Variants in UMPS observed in about 807,000 individuals in gnomAD.
The protein encoded by UMPS is uridine 5'-monophosphate synthase.
A neutral mutation model predicts 38.9 loss-of-function variants in UMPS; 21 were observed. That is an observed-to-expected ratio of 0.54 (90% CI 0.38 to 0.78). The LOEUF is 0.78. UMPS is among the 30% of genes least tolerant of loss of function. The pLI is 0.00. For missense variants in UMPS, 533 were observed against 591.6 expected (o/e 0.90, Z 1.03); for synonymous variants, 208 against 219.3 (o/e 0.95, Z 0.45).
intron 3 of UMPS, 80 bp downstream of exon 3, chr3:124,738,319 T>C: frequency 6.8e-7 from 1 of 1,473,208 alleles, no homozygotes; most frequent in Non-Finnish European, 9.3e-7. Flanking sequence ...CTCATGTCAT[T>C]GAAAGTCCAT....
chr3:124,744,965 G>A lies in UMPS; in HGVS notation c.*881G>A, dbSNP rs1456680265. 2.2e-6 allele frequency: 1 copy of A among 454,062 alleles called. No homozygotes were observed. The highest frequency in any genetic ancestry group is 2.0e-5 in the African/African-American group (1 of 50,108). The allele number at this position is 454,062 out of a possible 1,614,324, so 28.1% of individuals were successfully genotyped here. On this transcript the variant is annotated 3_prime_UTR_variant, in exon 6 of 6. Coordinates refer to ENST00000232607, the MANE Select transcript of UMPS (RefSeq NM_000373.4). The stretch of plus-strand genomic sequence containing the variant: ...TAGCTCAGCTCCTGAGCTAGTATCT[G>A]GCTGTTATTTCAACAACCGGAGTTG...
At position 124,748,221 on chromosome 3, in the gene UMPS, C is replaced by T. The variant is rs1006703121; in HGVS notation, c.*4137C>T. Reference sequence around the variant, plus strand: ...CTAGGATTACAGGTGTGAGCCACTGCTCCCGGCCTGTTGGAGTTCTTTACA... The same window carrying T: ...CTAGGATTACAGGTGTGAGCCACTGTTCCCGGCCTGTTGGAGTTCTTTACA... On this transcript the variant is annotated 3_prime_UTR_variant, in exon 6 of 6. Transcript: ENST00000232607. 16 of 453,444 alleles carry T rather than the reference C, an allele frequency of 3.5e-5. No individual in the cohort carries two copies. Among genetic ancestry groups the T allele is most frequent in the South Asian group, 1.4e-4 (9 of 64,470 alleles). The allele number at this position is 453,444 out of a possible 1,614,324, so 28.1% of individuals were successfully genotyped here.
intron 4 of UMPS, 112 bp downstream of exon 4, chr3:124,740,311 G>C (rs2063548256): frequency 9.1e-7 from 1 of 1,100,370 alleles, no homozygotes; most frequent in Non-Finnish European, 1.3e-6. Flanking sequence ...AAAAAATCCA[G>C]CTCTTGTTAG....
At position 124,735,182 on chromosome 3, in the gene UMPS, TAC is replaced by T; in HGVS notation, c.248_249del (p.Thr83SerfsTer13). On this transcript the variant is annotated frameshift_variant, in exon 2 of 6. Transcript: ENST00000232607. LOFTEE classifies it high-confidence loss of function. ...GVPYTALPLA[T>X]VICSTNQIPM... Reference sequence around the variant, plus strand: ...TGCCTTATACAGCTTTGCCATTGGCTACAGTTATCTGTTCAACCAATCAAATT... The same window carrying T: ...TGCCTTATACAGCTTTGCCATTGGCTAGTTATCTGTTCAACCAATCAAATT... 1.2e-6 allele frequency: 2 copies of T among 1,614,170 alleles called. No homozygotes were observed. The highest frequency in any genetic ancestry group is 1.7e-6 in the Non-Finnish European group (2 of 1,179,990).
rs200305064 is a variant in UMPS at position 124,738,114 on chromosome 3, T to A, written c.857T>A (p.Ile286Asn). The change falls in exon 3 of 6, where the codon ATT becomes AAT. Residue 286 changes from isoleucine to asparagine, a missense_variant. Physicochemically the swap from Ile to Asn is moderately radical, Grantham distance 149 (BLOSUM62 -3). Coordinates refer to ENST00000232607, the MANE Select transcript of UMPS (RefSeq NM_000373.4). ...SICMLKTHVDILNDFTLDVMK... is the reference protein window; with the variant it reads ...SICMLKTHVDNLNDFTLDVMK... ...TGCATGCTGAAGACTCATGTAGATA[T>A]TTTGAATGATTTTACTCTGGATGTG... is the stretch of plus-strand genomic sequence containing the variant. The A allele has an allele frequency of 3.2e-4, 510 of 1,614,110 alleles. No individual in the cohort carries two copies. The highest frequency in any genetic ancestry group is 4.1e-4 in the Non-Finnish European group (489 of 1,180,046).
At position 124,737,804 on chromosome 3, in the gene UMPS, C is replaced by T. The variant is rs1402190366; in HGVS notation, c.547C>T (p.Leu183Phe). The T allele has an allele frequency of 6.2e-7, 1 of 1,614,180 alleles. No homozygotes were observed. Among genetic ancestry groups the T allele is most frequent in the Non-Finnish European group, 8.5e-7 (1 of 1,180,036 alleles). ...TACATTGTCCAAAATGCTGGAGATTCTCGAGCAGCAGAAAAAAGTTGATGC... is the reference window on the plus strand; with the variant it reads ...TACATTGTCCAAAATGCTGGAGATTTTCGAGCAGCAGAAAAAAGTTGATGC... ...VCTLSKMLEILEQQKKVDAET... is the reference protein window; with the variant it reads ...VCTLSKMLEIFEQQKKVDAET... The change falls in exon 3 of 6, where the codon CTC becomes TTC. Residue 183 changes from leucine to phenylalanine, a missense_variant. Coordinates refer to ENST00000232607, the MANE Select transcript of UMPS (RefSeq NM_000373.4).
Position 124,731,636 on chromosome 3 carries a change from A to G in UMPS, c.156+1009A>G, listed in dbSNP as rs756206954. 3.7e-5 allele frequency: 9 copies of G among 240,752 alleles called. No individual in the cohort carries two copies. The East Asian group carries it at 1.0e-3, about 27-fold the overall frequency. 14.9% of individuals were successfully genotyped at this position (240,752 alleles called of 1,614,324 possible). ...ACAGGGGCTCATGCCTGTAGTCCCA[A>G]CTTTGGGAGGCTTTCTTTGGGAGGC... On this transcript the variant is annotated intron_variant, in intron 1 of 5. Coordinates refer to ENST00000232607, the MANE Select transcript of UMPS (RefSeq NM_000373.4).
rs772407610 is a variant in UMPS at position 124,745,880 on chromosome 3, CT to C, written c.*1799del. The stretch of plus-strand genomic sequence containing the variant: ...CTTCCATGTGTCAGTGGTTCTCCCA[CT>C]TTAGCAGGTATCAGAGTCACCTGGA... On this transcript the variant is annotated 3_prime_UTR_variant, in exon 6 of 6. Coordinates refer to ENST00000232607, the MANE Select transcript of UMPS (RefSeq NM_000373.4). 1.8e-5 allele frequency: 8 copies of C among 454,004 alleles called. No individual in the cohort carries two copies. The East Asian group carries it at 2.8e-4, about 16-fold the overall frequency. 28.1% of individuals were successfully genotyped at this position (454,004 alleles called of 1,614,324 possible).
intron 3 of UMPS, 71 bp from the exon 4 acceptor site, chr3:124,739,953 G>C (rs1385405592): frequency 7.1e-6 from 10 of 1,408,620 alleles, no homozygotes; most frequent in Non-Finnish European, 8.0e-6. Context: ...TATTGTAGTT[G>C]GTTGGTTGGA....
In UMPS at chr3:124,746,323, A is replaced by G. The variant is rs1278882945; in HGVS notation, c.*2239A>G. ...ACCATCAGAGTTTCTGCGTTAGCAG[A>G]TTTGTGGTTTGCCCAGCAGCCTGGG... is the stretch of plus-strand genomic sequence containing the variant. On this transcript the variant is annotated 3_prime_UTR_variant, in exon 6 of 6. Coordinates refer to ENST00000232607, the MANE Select transcript of UMPS (RefSeq NM_000373.4). 8.8e-6 allele frequency: 4 copies of G among 454,004 alleles called. No individual in the cohort carries two copies. The highest frequency in any genetic ancestry group is 1.8e-5 in the Non-Finnish European group (4 of 226,792). 28.1% of individuals were successfully genotyped at this position (454,004 alleles called of 1,614,324 possible).
intron 2 of UMPS, 38 bp downstream of exon 2, chr3:124,735,284 T>C: frequency 6.4e-7 from 1 of 1,573,454 alleles, no homozygotes. Context: ...AGTTAATTAA[T>C]CTGTAACATC....
chr3:124,738,858 C>T (rs1422971351), intron 3 of UMPS: 1 of 152,694 alleles, frequency 6.5e-6, no homozygotes, highest in East Asian at 1.9e-4. Flanking sequence ...GTTCTACTGC[C>T]TATTCTATGC....
chr3:124,734,713 A>T (rs1308245020), intron 1 of UMPS, among the ~76,000 whole-genome samples: 6 of 152,168 alleles, frequency 3.9e-5, no homozygotes, highest in Non-Finnish European at 2.9e-5. Flanking sequence ...TTACATGTTT[A>T]TACACTATTT....
In UMPS at chr3:124,738,158, C is replaced by G. The variant is rs766823064; in HGVS notation, c.901C>G (p.Leu301Val). The change falls in exon 3 of 6, where the codon CTG becomes GTG. Residue 301 changes from leucine (L) to valine (V), a missense_variant. Physicochemically the swap from Leu to Val is conservative, Grantham distance 32. Coordinates refer to ENST00000232607, the MANE Select transcript of UMPS (RefSeq NM_000373.4). ...TLDVMKELIT[L>V]AKCHEFLIFE... ...GGATGTGATGAAGGAGTTGATAACT[C>G]TGGCAAAATGCCATGAGTTCTTGAT... 3 of 1,614,066 alleles carry G rather than the reference C, an allele frequency of 1.9e-6. No homozygotes were observed. The highest frequency in any genetic ancestry group is 2.5e-6 in the Non-Finnish European group (3 of 1,180,052).
chr3:124,733,175 T>C (rs1004525902), intron 1 of UMPS, among the ~76,000 whole-genome samples: 2 of 152,192 alleles, frequency 1.3e-5, no homozygotes, highest in Non-Finnish European at 2.9e-5. Flanking sequence ...TTGACTATAG[T>C]ACTATATACA....
In UMPS at chr3:124,744,387, T is replaced by C; in HGVS notation, c.*303T>C. 1 of 493,120 alleles carries C rather than the reference T, an allele frequency of 2.0e-6. No individual in the cohort carries two copies. 30.5% of individuals were successfully genotyped at this position (493,120 alleles called of 1,614,324 possible). A position where few individuals can be genotyped will look rare whatever the true frequency, so the allele number is the denominator to read the frequency against. On this transcript the variant is annotated 3_prime_UTR_variant, in exon 6 of 6. Transcript: ENST00000232607. ...TTTGAGGATCCTTCCTATCTCTCCA[T>C]GGGACTAGACTGCTTTGTTATTCTA...
At chr3:124,741,317 G>A (rs190698096) in intron 4 of UMPS, among the ~76,000 whole-genome samples, 25 of 152,276 alleles carry the variant, frequency 1.6e-4, no homozygotes, top group Admixed American at 1.6e-3. Context: ...CGAGGCTGGA[G>A]TGCAGTGGTG....
chr3:124,738,104 C>CA lies in UMPS; in HGVS notation c.848dup (p.His283GlnfsTer7). 1 of 1,614,106 alleles carries CA rather than the reference C, an allele frequency of 6.2e-7. No individual in the cohort carries two copies. Among genetic ancestry groups the CA allele is most frequent in the Non-Finnish European group, 8.5e-7 (1 of 1,180,032 alleles). ...ACCTAGTATCTGCATGCTGAAGACT[C>CA]ATGTAGATATTTTGAATGATTTTAC... On this transcript the variant is annotated frameshift_variant, in exon 3 of 6. Coordinates refer to ENST00000232607, the MANE Select transcript of UMPS (RefSeq NM_000373.4). LOFTEE classifies it high-confidence loss of function.
At position 124,744,499 on chromosome 3, in the gene UMPS, C is replaced by G. The variant is rs1324476892; in HGVS notation, c.*415C>G. 2.2e-6 allele frequency: 1 copy of G among 453,990 alleles called. No individual in the cohort carries two copies. The highest frequency in any genetic ancestry group is 4.4e-6 in the Non-Finnish European group (1 of 226,806). The allele number at this position is 453,990 out of a possible 1,614,324, so 28.1% of individuals were successfully genotyped here. On this transcript the variant is annotated 3_prime_UTR_variant, in exon 6 of 6. Coordinates refer to ENST00000232607, the MANE Select transcript of UMPS (RefSeq NM_000373.4). ...GTGAGATCACGGCTCATTGCAGCCTCGACCTCCCAGGTGATCCTCCCACCT... is the reference window on the plus strand; with the variant it reads ...GTGAGATCACGGCTCATTGCAGCCTGGACCTCCCAGGTGATCCTCCCACCT...
Sources: gnomAD v4.1 joint callset for allele counts (sites outside exome capture counted in the v4.1 genomes callset) on GRCh38, gnomAD v4.1.1 for gene constraint, MANE v1.5 for transcripts, NCBI Gene and HGNC (gene_info 2026-07-23, HGNC 2026-07-21) for gene names.